The following GLIS3 variants were observed in gnomAD, a reference collection of about 807,000 sequenced individuals.
The protein encoded by GLIS3 is GLIS family zinc finger 3.
A neutral mutation model predicts 78.6 loss-of-function variants in GLIS3; 53 were observed. The observed-to-expected ratio is 0.67, with a 90% CI of 0.54 to 0.85. GLIS3 has a LOEUF of 0.85. GLIS3 is among the 40% of genes least tolerant of loss of function. The pLI is 0.00. For synonymous variants in GLIS3, 684 were observed against 509.9 expected, an observed-to-expected ratio of 1.34 and a Z score of -4.60; for missense variants, 1,703 against 1,231.1, an observed-to-expected ratio of 1.38 and a Z score of -5.74.
intron 2 of GLIS3, among the ~76,000 whole-genome samples, chr9:4,141,443 C>G (rs908798490): frequency 2.6e-5 from 4 of 152,166 alleles, no homozygotes; most frequent in African/African-American, 9.7e-5. Flanking sequence ...GGGGCTTGGT[C>G]AAAGGGCATC....
chr9:3,828,300 T>A lies in GLIS3; in HGVS notation c.2765A>T (p.Gln922Leu), dbSNP rs1057524895. ...QISTVDRCPS[Q>L]LSSVYTEG ...GCCTTCGGTGTAGACAGAGGAGAGC[T>A]GGCTAGGACAGCGGTCCACGGTGCT... Residue 922 changes from glutamine to leucine, a missense_variant, in exon 11 of 11, where the codon CAG becomes CTG. Transcript: ENST00000381971. The A allele has an allele frequency of 1.2e-6, 2 of 1,614,112 alleles. No individual in the cohort carries two copies. Among genetic ancestry groups the A allele is most frequent in the South Asian group, 2.2e-5 (2 of 91,086 alleles).
At position 3,991,683 on chromosome 9, in the gene GLIS3, A is replaced by AATTTTTTTTTTTTT. The variant is rs1265317427; in HGVS notation, c.1711-54495_1711-54494insAAAAAAAAAAAAAT. 4.6e-4 allele frequency among the ~76,000 whole-genome samples: 40 copies of AATTTTTTTTTTTTT among 87,900 alleles called. 4 individuals carry two copies. Among genetic ancestry groups the AATTTTTTTTTTTTT allele is most frequent in the African/African-American group, 1.7e-3 (33 of 18,974 alleles). 57.7% of individuals were successfully genotyped at this position (87,900 alleles called of 152,430 possible). The stretch of plus-strand genomic sequence containing the variant: ...GTTCAGAATTTCATTAAGTAGGCTG[A>AATTTTTTTTTTTTT]TTTTTTTTTTTTTTTTTTTTTTTTT... On this transcript the variant is annotated intron_variant, in intron 4 of 10. Coordinates refer to ENST00000381971, the MANE Select transcript of GLIS3 (RefSeq NM_001042413.2).
At chr9:3,858,796 G>T (rs1018559996) in intron 8 of GLIS3, among the ~76,000 whole-genome samples, 4 of 152,174 alleles carry the variant, frequency 2.6e-5, no homozygotes, top group Admixed American at 6.5e-5. Flanking sequence ...CAATTGCTAG[G>T]AACAAGGAAG....
At chr9:4,006,299 T>C (rs957718365) in intron 4 of GLIS3, among the ~76,000 whole-genome samples, 3 of 130,346 alleles carry the variant, frequency 2.3e-5, no homozygotes, top group African/African-American at 6.1e-5. Context: ...GTTACTCATA[T>C]GTCTCAAAAA....
intron 2 of GLIS3, among the ~76,000 whole-genome samples, chr9:4,254,198 A>G (rs1824689768): frequency 1.3e-5 from 2 of 152,256 alleles, no homozygotes; most frequent in Non-Finnish European, 2.9e-5. Flanking sequence ...ACAAACATAA[A>G]TAAGATTAAA....
In GLIS3 at chr9:4,300,007, G is replaced by C. The variant is rs1273504190; in HGVS notation, c.-685C>G. On this transcript the variant is annotated 5_prime_UTR_variant, in exon 1 of 11. Transcript: ENST00000381971. ...CGGCGCAGTGTGGACGCGGCTGCAG[G>C]GAGAGGGGAAGGGGGAAGAGGGAGG... is the stretch of plus-strand genomic sequence containing the variant. The C allele has an allele frequency of 6.6e-6, 1 of 152,326 alleles. No homozygotes were observed. The highest frequency in any genetic ancestry group is 1.5e-5 in the Non-Finnish European group (1 of 68,168). The allele number at this position is 152,326 out of a possible 1,614,324, so 9.4% of individuals were successfully genotyped here.
intron 5 of GLIS3, among the ~76,000 whole-genome samples, chr9:3,936,646 C>T (rs1825913847): frequency 6.6e-6 from 1 of 152,126 alleles, no homozygotes; most frequent in South Asian, 2.1e-4. Flanking sequence ...ACAAAAACTG[C>T]TTCATATTCC....
chr9:4,013,443 C>G (rs755396733), intron 4 of GLIS3, among the ~76,000 whole-genome samples: 13 of 152,192 alleles, frequency 8.5e-5, no homozygotes, highest in African/African-American at 1.7e-4. Context: ...AATCAATTGT[C>G]TGTCCTTGGA....
chr9:4,045,697 C>T (rs1825192707), intron 4 of GLIS3, among the ~76,000 whole-genome samples: 1 of 152,098 alleles, frequency 6.6e-6, no homozygotes, highest in Non-Finnish European at 1.5e-5. Context: ...CTGGCCCCAA[C>T]AGCAGATGCC....
At chr9:4,307,221 A>C (rs1817248821) in intron 4 of GLIS3, among the ~76,000 whole-genome samples, 1 of 152,224 alleles carries the variant, frequency 6.6e-6, no homozygotes, top group Admixed American at 6.5e-5. Flanking sequence ...TCCAGGGCAC[A>C]CACTCTTAGC....
At chr9:4,452,297 A>C in the GLIS3 span, among the ~76,000 whole-genome samples, 1 of 152,168 alleles carries the variant, frequency 6.6e-6, no homozygotes, top group Non-Finnish European at 1.5e-5. Context: ...ACCCTTATTC[A>C]ACATAGTATT....
intron 4 of GLIS3, among the ~76,000 whole-genome samples, chr9:3,940,360 A>G (rs542671776): frequency 1.3e-5 from 2 of 152,256 alleles, no homozygotes; most frequent in South Asian, 4.1e-4. Context: ...AGCAAGGAAC[A>G]TTAAGAGTGT....
intron 2 of GLIS3, among the ~76,000 whole-genome samples, chr9:4,166,628 C>T (rs753535965): frequency 3.9e-5 from 6 of 152,090 alleles, no homozygotes; most frequent in Non-Finnish European, 8.8e-5. Context: ...TTATGTATTC[C>T]CAAGTGGCCA....
At chr9:4,163,796 C>G (rs1170920507) in intron 2 of GLIS3, among the ~76,000 whole-genome samples, 2 of 152,146 alleles carry the variant, frequency 1.3e-5, no homozygotes. Context: ...ACAGTAAGTG[C>G]TCAGTATGTT....
At chr9:3,829,132 G>A (rs1817892530) in intron 10 of GLIS3, among the ~76,000 whole-genome samples, 178 bp downstream of exon 10, 2 of 152,050 alleles carry the variant, frequency 1.3e-5, no homozygotes, top group Non-Finnish European at 2.9e-5. Flanking sequence ...GGTGGAAGAA[G>A]AGGGGCTGAA....
chr9:4,445,312 A>C, the GLIS3 span, among the ~76,000 whole-genome samples: 2 of 152,198 alleles, frequency 1.3e-5, no homozygotes, highest in African/African-American at 4.8e-5. Context: ...AGAGTGATGA[A>C]GCAGGAAGCG....
intron 2 of GLIS3, among the ~76,000 whole-genome samples, chr9:4,129,479 C>T (rs1374771152): frequency 6.6e-6 from 1 of 152,038 alleles, no homozygotes; most frequent in African/African-American, 2.4e-5. Context: ...TAGCACCATC[C>T]TTTGGTGCTG....
chr9:3,961,328 A>T (rs1441474704), intron 4 of GLIS3, among the ~76,000 whole-genome samples: 2 of 152,222 alleles, frequency 1.3e-5, no homozygotes, highest in Non-Finnish European at 2.9e-5. Context: ...TAAACAAACA[A>T]GTAGAATGAA....
chr9:4,054,979 T>TTC (rs376925373), intron 4 of GLIS3, among the ~76,000 whole-genome samples: 1,900 of 152,336 alleles, frequency 0.012, 40 homozygotes, highest in African/African-American at 0.044. Flanking sequence ...TTAACAAGGA[T>TTC]CTGGCTAACG....
Sources: allele counts gnomAD v4.1 joint callset (sites outside exome capture counted in the v4.1 genomes callset), GRCh38; gene constraint gnomAD v4.1.1; transcripts MANE v1.5; gene names NCBI Gene and HGNC (gene_info 2026-07-23, HGNC 2026-07-21).